PCNT: variants seen among roughly 807,000 people sequenced by gnomAD.
The protein encoded by PCNT is pericentrin.
Under a neutral mutation model 380.4 loss-of-function variants are expected in PCNT, and 319 were observed. The ratio of observed to expected loss-of-function variants is 0.84; its 90% CI spans 0.77 to 0.92. PCNT has a LOEUF of 0.92. Among genes scored for constraint, PCNT ranks in the 40% least tolerant of loss-of-function variants. The pLI is 0.00. For synonymous variants in PCNT, 1,845 were observed against 1,735.2 expected (o/e 1.06, Z -1.57); for missense variants, 4,400 against 4,255.3 (o/e 1.03, Z -0.95).
chr21:46,417,424 C>G (rs1326818734), intron 30 of PCNT, among the ~76,000 whole-genome samples: 1 of 152,012 alleles, frequency 6.6e-6, no homozygotes, highest in Non-Finnish European at 1.5e-5. Context: ...GAACTCCTGA[C>G]CTCATGATCC....
rs1310606721 is a variant in PCNT, at chr21:46,443,951, C to G, written c.9839+3C>G. The G allele has an allele frequency of 6.2e-7, 1 of 1,611,738 alleles. No homozygotes were observed. The highest frequency in any genetic ancestry group is 1.7e-5 in the Admixed American group (1 of 60,020). On this transcript the variant is annotated splice_donor_region_variant and intron_variant, in intron 45 of 46. Coordinates refer to ENST00000359568, the MANE Select transcript of PCNT (RefSeq NM_006031.6). ...GCCTCCCCACACAGTGGGGGAAGGT[C>G]AGTGTGATGCCTTCAGGCCCCGTCT...
At position 46,385,870 on chromosome 21, in the gene PCNT, A is replaced by G; in HGVS notation, c.3351A>G (p.Glu1117=). 1 of 1,614,184 alleles carries G rather than the reference A, an allele frequency of 6.2e-7. No homozygotes were observed. The highest frequency in any genetic ancestry group is 8.5e-7 in the Non-Finnish European group (1 of 1,179,974). Residue 1117 remains glutamate (E), a synonymous_variant, in exon 17 of 47, where the codon GAA becomes GAG. Transcript: ENST00000359568. The part of the protein sequence containing the change: ...DQVLSLSHEI[E]ECRSELEVLQ... ...TTTTATCCTTAAGTCACGAGATAGA[A>G]GAGTGCCGCTCCGAGTTGGAGGTGC...
intron 32 of PCNT, among the ~76,000 whole-genome samples, chr21:46,422,384 G>A (rs975137976): frequency 3.3e-5 from 5 of 151,680 alleles, no homozygotes; most frequent in Non-Finnish European, 5.9e-5. Context: ...GGCAGGTGGT[G>A]TTGCCCCGAG....
At chr21:46,435,517 C>T (rs2053411388) in intron 38 of PCNT, among the ~76,000 whole-genome samples, 1 of 151,212 alleles carries the variant, frequency 6.6e-6, no homozygotes, top group South Asian at 2.1e-4. Context: ...TGAGCCACCA[C>T]ACCCTGCTGG....
rs187884392 is a variant in PCNT, at chr21:46,405,849, T to C, written c.5115+3366T>C. On this transcript the variant is annotated intron_variant, in intron 27 of 46. Coordinates refer to ENST00000359568, the MANE Select transcript of PCNT (RefSeq NM_006031.6). ...TACATGTTAAGGACAGTATTTTTGTTCCATTAAGAATTGAAAGCTTTTTAA... is the reference window on the plus strand; with the variant it reads ...TACATGTTAAGGACAGTATTTTTGTCCCATTAAGAATTGAAAGCTTTTTAA... Among the ~76,000 whole-genome samples, 473 of 152,358 alleles carry C rather than the reference T, an allele frequency of 3.1e-3. 3 individuals are homozygous for C. Among genetic ancestry groups the C allele is most frequent in the African/African-American group, 0.011 (452 of 41,582 alleles).
At position 46,398,056 on chromosome 21, in the gene PCNT, C is replaced by T; in HGVS notation, c.4489C>T (p.Gln1497Ter). ...EREHEREEFQ[Q>*]EIQRLEGQLR... Reference sequence around the variant, plus strand: ...GGAGCACGAGCGCGAGGAGTTCCAGCAGGAGATTCAGAGGCTGGAGGGGCA... The same window carrying T: ...GGAGCACGAGCGCGAGGAGTTCCAGTAGGAGATTCAGAGGCTGGAGGGGCA... The change falls in exon 23 of 47, where the codon CAG (glutamine) becomes TAG (stop). Residue 1497 changes from glutamine to a stop codon, truncating the protein, a stop_gained. Coordinates refer to ENST00000359568, the MANE Select transcript of PCNT (RefSeq NM_006031.6). LOFTEE classifies it high-confidence loss of function. The T allele has an allele frequency of 6.3e-7, 1 of 1,596,848 alleles. No homozygotes were observed. The highest frequency in any genetic ancestry group is 8.5e-7 in the Non-Finnish European group (1 of 1,172,796).
At chr21:46,348,920 C>T in intron 6 of PCNT, 92 bp from the exon 7 acceptor site, 3 of 881,928 alleles carry the variant, frequency 3.4e-6, no homozygotes, top group Non-Finnish European at 5.7e-6. Context: ...GCCACGTTGC[C>T]TGGCCTGCTC....
chr21:46,326,001 G>C (rs569336129), intron 1 of PCNT, among the ~76,000 whole-genome samples: 3 of 152,258 alleles, frequency 2.0e-5, no homozygotes, highest in African/African-American at 7.2e-5. Flanking sequence ...GGAAAATTGG[G>C]GCAAGAAGGG....
chr21:46,371,217 T>C (rs1226247035), intron 15 of PCNT, among the ~76,000 whole-genome samples: 5 of 141,668 alleles, frequency 3.5e-5, no homozygotes, highest in African/African-American at 1.3e-4. Context: ...TTTCTTTCTT[T>C]TTTTTTTTTT....
rs550867862 is a variant in PCNT, at chr21:46,396,644, C to T, written c.4217-621C>T. Among the ~76,000 whole-genome samples, 15 of 152,298 alleles carry T rather than the reference C, an allele frequency of 9.8e-5. 1 individual carries two copies. In the East Asian group the frequency reaches 2.5e-3, roughly 25 times the overall value. Reference sequence around the variant, plus strand: ...TATTTGAAGGAGTCTCACTTTGTCACCCAGGCTGGAGTGCAGCAATGCAAT... The same window carrying T: ...TATTTGAAGGAGTCTCACTTTGTCATCCAGGCTGGAGTGCAGCAATGCAAT... On this transcript the variant is annotated intron_variant, in intron 21 of 46. Coordinates refer to ENST00000359568, the MANE Select transcript of PCNT (RefSeq NM_006031.6).
chr21:46,370,403 G>A (rs948123399), intron 15 of PCNT, among the ~76,000 whole-genome samples: 1 of 152,064 alleles, frequency 6.6e-6, no homozygotes, highest in South Asian at 2.1e-4. Flanking sequence ...TGCGGGGGTC[G>A]GGGAGGCTGG....
At chr21:46,334,254 G>A (rs1048827403) in intron 2 of PCNT, 143 bp from the exon 3 acceptor site, 2 of 1,079,554 alleles carry the variant, frequency 1.9e-6, no homozygotes, top group East Asian at 2.4e-5. Context: ...AATGCGGAAG[G>A]TGCACGTTCT....
At position 46,382,968 on chromosome 21, in the gene PCNT, A is replaced by G. The variant is rs149660175; in HGVS notation, c.3312+1128A>G. 3.3e-3 allele frequency among the ~76,000 whole-genome samples: 370 copies of G among 113,360 alleles called. 91 individuals carry two copies. The highest frequency in any genetic ancestry group is 0.019 in the African/African-American group (353 of 18,162). The allele number at this position is 113,360 out of a possible 152,430, so 74.4% of individuals were successfully genotyped here. On this transcript the variant is annotated intron_variant, in intron 16 of 46. Coordinates refer to ENST00000359568, the MANE Select transcript of PCNT (RefSeq NM_006031.6). ...TATTCAGTGACGGAAGCGCATTCAC[A>G]GTGCTGTGCATTCAGTGGCGGAAGC...
intron 40 of PCNT, 108 bp from the exon 41 acceptor site, chr21:46,438,056 C>A (rs1273705941): frequency 1.3e-5 from 12 of 912,878 alleles, no homozygotes; most frequent in Non-Finnish European, 1.9e-5. Flanking sequence ...TCATTGAACC[C>A]CAGACACATT....
Position 46,388,755 on chromosome 21 carries a change from G to A in PCNT, c.3478G>A (p.Asp1160Asn), listed in dbSNP as rs1484849339. ...LSHSERGALQDALRRLLGLFG... is the reference protein window; with the variant it reads ...LSHSERGALQNALRRLLGLFG... Reference sequence around the variant, plus strand: ...CTCCTGTCTCAGAGGGGCCCTCCAGGACGCCCTGCGCAGGCTGCTGGGTTT... The same window carrying A: ...CTCCTGTCTCAGAGGGGCCCTCCAGAACGCCCTGCGCAGGCTGCTGGGTTT... The change falls in exon 18 of 47, where the codon GAC becomes AAC. Residue 1160 changes from aspartate (D) to asparagine (N), a missense_variant. Coordinates refer to ENST00000359568, the MANE Select transcript of PCNT (RefSeq NM_006031.6). This position sits in a 1 kb window ranked among gnomAD's most constrained non-coding sequence, Gnocchi z 4.2. 2 of 1,613,766 alleles carry A rather than the reference G, an allele frequency of 1.2e-6. No homozygotes were observed. The highest frequency in any genetic ancestry group is 1.7e-6 in the Non-Finnish European group (2 of 1,179,998).
chr21:46,324,850 T>A, intron 1 of PCNT: 2 of 984,986 alleles, frequency 2.0e-6, no homozygotes, highest in Non-Finnish European at 2.4e-6. Flanking sequence ...CGCCTTCGCC[T>A]CGTCCGTCGG....
chr21:46,383,550 T>C (rs1015980364), intron 16 of PCNT, among the ~76,000 whole-genome samples: 6 of 142,950 alleles, frequency 4.2e-5, no homozygotes, highest in African/African-American at 1.6e-4. Context: ...CACAGTGTTG[T>C]ATATTCAGTG....
chr21:46,379,605 C>T (rs943921661), intron 15 of PCNT, among the ~76,000 whole-genome samples: 1 of 152,148 alleles, frequency 6.6e-6, no homozygotes, highest in African/African-American at 2.4e-5. Context: ...CCCCACAGGC[C>T]TTGGAGACTG....
chr21:46,353,914 C>A, intron 10 of PCNT, 73 bp from the exon 11 acceptor site: 1 of 1,322,454 alleles, frequency 7.6e-7, no homozygotes, highest in Non-Finnish European at 1.1e-6. Flanking sequence ...AGCAGTCGGT[C>A]CTGGGGAGGG....
Sources: gnomAD v4.1 joint callset for allele counts (sites outside exome capture counted in the v4.1 genomes callset) on GRCh38, gnomAD v4.1.1 for gene constraint, Gnocchi (gnomAD v3.1) non-coding constraint, MANE v1.5 for transcripts, NCBI Gene and HGNC (gene_info 2026-07-23, HGNC 2026-07-21) for gene names.